Variants in LRP1B observed in about 807,000 individuals in gnomAD.
The protein encoded by LRP1B is LDL receptor related protein 1B, also known as low-density lipoprotein receptor-related protein 1B.
Under a neutral mutation model 556.6 loss-of-function variants are expected in LRP1B, and 217 were observed. The observed-to-expected ratio is 0.39, with a 90% CI of 0.35 to 0.44. The LOEUF is 0.44. Ranked by LOEUF, LRP1B falls within the 20% of genes least tolerant of loss-of-function variation. The pLI, the probability that LRP1B is intolerant of heterozygous loss-of-function variation, is 1.00. For missense variants in LRP1B, 5,053 were observed against 5,620.8 expected (o/e 0.90, Z 3.23); for synonymous variants, 2,047 against 1,865.8 (o/e 1.10, Z -2.50).
At chr2:140,492,813 A>G (rs937914461) in intron 56 of LRP1B, 120 bp from the exon 57 acceptor site, 3 of 694,850 alleles carry the variant, frequency 4.3e-6, no homozygotes, top group Admixed American at 2.2e-5. Context: ...TGGTAGCTTC[A>G]GGGTTTAAAA....
chr2:141,510,720 T>A (rs1435412594), intron 2 of LRP1B, among the ~76,000 whole-genome samples: 1 of 152,098 alleles, frequency 6.6e-6, no homozygotes, highest in African/African-American at 2.4e-5. Context: ...AACCACCTTA[T>A]CTAAAATAAC....
rs372005875 is a variant in LRP1B at position 140,572,486 on chromosome 2, C to T, written c.7194+26145G>A. On this transcript the variant is annotated intron_variant, in intron 43 of 90. Transcript: ENST00000389484. ...GTTAGGAAGGCTATTATCAAAAAGA[C>T]AAAAAATAACAAATGTGTGGAAAGG... Among the ~76,000 whole-genome samples, 25 of 150,930 alleles carry T rather than the reference C, an allele frequency of 1.7e-4. 1 individual carries two copies. In the South Asian group the frequency reaches 5.2e-3, roughly 31 times the overall value.
chr2:140,611,146 G>A (rs559757235), intron 41 of LRP1B, among the ~76,000 whole-genome samples: 1 of 152,282 alleles, frequency 6.6e-6, no homozygotes, highest in East Asian at 1.9e-4. Context: ...AGAAATAATA[G>A]GAATTATGTG....
intron 37 of LRP1B, 129 bp downstream of exon 37, chr2:140,715,844 T>C: frequency 1.5e-6 from 1 of 653,138 alleles, no homozygotes; most frequent in Non-Finnish European, 2.4e-6. Flanking sequence ...TATAAACATT[T>C]TTTTCTGCTT....
At chr2:141,109,269 A>G (rs1700688636) in intron 7 of LRP1B, among the ~76,000 whole-genome samples, 1 of 152,138 alleles carries the variant, frequency 6.6e-6, no homozygotes, top group Non-Finnish European at 1.5e-5. Context: ...GGGGAGGCCA[A>G]TTTGATTAAT....
At chr2:141,716,546 G>A (rs1007590889) in intron 2 of LRP1B, among the ~76,000 whole-genome samples, 20 of 152,230 alleles carry the variant, frequency 1.3e-4, no homozygotes, top group African/African-American at 4.8e-4. Context: ...GAGGGATAAA[G>A]AAGAAAATAA....
At chr2:141,464,931 CA>C (rs1202688650) in intron 3 of LRP1B, among the ~76,000 whole-genome samples, 1 of 150,360 alleles carries the variant, frequency 6.7e-6, no homozygotes, top group Non-Finnish European at 1.5e-5. Flanking sequence ...CAAAATAAAA[CA>C]AAAATCAATA....
At chr2:140,378,310 G>A (rs781148229) in intron 67 of LRP1B, 24 bp from the exon 68 acceptor site, 1 of 1,289,888 alleles carries the variant, frequency 7.8e-7, no homozygotes, top group Non-Finnish European at 1.1e-6. Context: ...AACAGCACAG[G>A]GTTATTCTAT....
intron 1 of LRP1B, among the ~76,000 whole-genome samples, chr2:142,113,303 TCCAGCTAG>T (rs1707068622): frequency 6.6e-6 from 1 of 152,106 alleles, no homozygotes; most frequent in African/African-American, 2.4e-5. Flanking sequence ...TACATTACTT[TCCAGCTAG>T]CTCTGTTTCT....
chr2:141,049,245 A>G, intron 10 of LRP1B, 23 bp from the exon 11 acceptor site: 3 of 1,433,084 alleles, frequency 2.1e-6, no homozygotes, highest in Non-Finnish European at 3.0e-6. Context: ...GATTACAAAC[A>G]CAAACAACTG....
intron 1 of LRP1B, among the ~76,000 whole-genome samples, chr2:141,920,654 T>C (rs1173130106): frequency 1.3e-5 from 2 of 152,024 alleles, no homozygotes. Context: ...ATATAGGCTC[T>C]TTATGTTTGT....
intron 18 of LRP1B, among the ~76,000 whole-genome samples, chr2:140,957,750 T>C (rs1695916907): frequency 6.6e-6 from 1 of 151,548 alleles, no homozygotes; most frequent in African/African-American, 2.4e-5. Context: ...GTAATCTATC[T>C]AGATGCCTGG....
At chr2:140,995,850 A>C (rs996100104) in intron 15 of LRP1B, among the ~76,000 whole-genome samples, 1 of 152,038 alleles carries the variant, frequency 6.6e-6, no homozygotes, top group Admixed American at 6.6e-5. Flanking sequence ...GGATTTATTC[A>C]CAAATTGGGT....
chr2:140,555,222 AG>A (rs1680688408), intron 43 of LRP1B, among the ~76,000 whole-genome samples: 1 of 102,060 alleles, frequency 9.8e-6, no homozygotes, highest in African/African-American at 3.2e-5. Context: ...ACAGACGCTC[AG>A]GAAAAAAAAA....
intron 3 of LRP1B, among the ~76,000 whole-genome samples, chr2:141,282,294 G>T (rs953459577): frequency 1.3e-5 from 2 of 151,898 alleles, no homozygotes; most frequent in African/African-American, 4.8e-5. Context: ...TAAGATAAAT[G>T]AGCTTTATAT....
intron 43 of LRP1B, among the ~76,000 whole-genome samples, chr2:140,559,705 A>C (rs185833851): frequency 6.6e-5 from 10 of 152,172 alleles, no homozygotes; most frequent in Admixed American, 6.6e-4. Context: ...TTTAGATTAT[A>C]ATCTATGGAA....
intron 83 of LRP1B, among the ~76,000 whole-genome samples, chr2:140,302,421 T>C (rs905474766): frequency 6.6e-6 from 1 of 152,200 alleles, no homozygotes; most frequent in African/African-American, 2.4e-5. Context: ...CACTAGACTA[T>C]AGCTGCTTTT....
chr2:141,887,561 A>G (rs1320110101), intron 1 of LRP1B, among the ~76,000 whole-genome samples: 1 of 152,174 alleles, frequency 6.6e-6, no homozygotes, highest in Non-Finnish European at 1.5e-5. Context: ...CACATGTATG[A>G]AACAATTAAA....
intron 1 of LRP1B, among the ~76,000 whole-genome samples, chr2:142,107,522 A>G (rs773782175): frequency 9.2e-5 from 14 of 152,176 alleles, no homozygotes; most frequent in Non-Finnish European, 1.9e-4. Flanking sequence ...TCTGTTTTTT[A>G]TAAGTCACCT....
Sources: gnomAD v4.1 joint callset for allele counts (sites outside exome capture counted in the v4.1 genomes callset) on GRCh38, gnomAD v4.1.1 for gene constraint, MANE v1.5 for transcripts, NCBI Gene and HGNC (gene_info 2026-07-23, HGNC 2026-07-21) for gene names.